The following NFIX variants were observed in gnomAD, a reference collection of about 807,000 sequenced individuals.
NFIX encodes nuclear factor 1 X-type.
Under a neutral mutation model 53.3 loss-of-function variants are expected in NFIX, and 2 were observed. That is an observed-to-expected ratio of 0.04 (90% confidence interval 0.02 to 0.12). The LOEUF (loss-of-function observed/expected upper bound fraction) is 0.12. NFIX is among the 10% of genes least tolerant of loss of function. The probability of loss-of-function intolerance (pLI) is 1.00; values close to 1 mark genes in which losing one functional copy is unlikely to be tolerated. For missense variants in NFIX, 310 were observed against 674.5 expected (o/e 0.46, Z 5.99); for synonymous variants, 244 against 289.0 (o/e 0.84, Z 1.58).
Position 13,040,565 on chromosome 19 carries a change from G to C in NFIX, c.559+15013G>C, listed in dbSNP as rs1193093636. On this transcript the variant is annotated intron_variant, in intron 2 of 10. Coordinates refer to ENST00000592199, the MANE Select transcript of NFIX (RefSeq NM_001365902.3). The surrounding 1 kb of genome is among the most constrained non-coding windows in gnomAD (Gnocchi z 4.2). ...TCTCCTCAGGAGCCCTGGCCTCCAG[G>C]CTCCTTGTATGGACAGACTCATGGC... is the stretch of plus-strand genomic sequence containing the variant. 6.6e-6 allele frequency among the ~76,000 whole-genome samples: 1 copy of C among 152,106 alleles called. No homozygotes were observed. The highest frequency in any genetic ancestry group is 2.4e-5 in the African/African-American group (1 of 41,434).
At chr19:13,039,307 C>T (rs1030970612) in intron 2 of NFIX, among the ~76,000 whole-genome samples, 12 of 151,950 alleles carry the variant, frequency 7.9e-5, no homozygotes, top group African/African-American at 1.7e-4. Flanking sequence ...TTCCCAGCCA[C>T]GTGGGACAGT....
chr19:13,048,280 C>G lies in NFIX; in HGVS notation c.559+22728C>G, dbSNP rs567301796. Among the ~76,000 whole-genome samples, 694 of 152,280 alleles carry G rather than the reference C, an allele frequency of 4.6e-3. 4 individuals carry two copies. Among genetic ancestry groups the G allele is most frequent in the South Asian group, 8.3e-3 (40 of 4,822 alleles). ...AGATGCCTTGTGGACAGCTTGCCCC[C>G]GTATCCACAAGGTACCTCCCAGTAC... is the stretch of plus-strand genomic sequence containing the variant. On this transcript the variant is annotated intron_variant, in intron 2 of 10. Transcript: ENST00000592199.
In NFIX at chr19:13,090,168, C is replaced by T; in HGVS notation, c.1403-131C>T. The T allele has an allele frequency of 1.2e-6, 1 of 845,666 alleles. No individual in the cohort carries two copies. The highest frequency in any genetic ancestry group is 3.2e-4 in the Middle Eastern group (1 of 3,158). 52.4% of individuals were successfully genotyped at this position (845,666 alleles called of 1,614,324 possible). On this transcript the variant is annotated intron_variant, in intron 9 of 10. Transcript: ENST00000592199. The surrounding 1 kb of genome is among the most constrained non-coding windows in gnomAD (Gnocchi z 6.6). The stretch of plus-strand genomic sequence containing the variant: ...CAGATGCCCCTCTGGCCCATCCTTC[C>T]CACTGCCAGCCTAAACTCGGGCAGC...
rs572309662 is a variant in NFIX at position 12,998,448 on chromosome 19, G to A, written c.27+2584G>A. ...CCTGGCGGGGAAAGGTACTGTGGGC[G>A]AGGGGGAAGGGCGGGGGGAAAAATC... is the stretch of plus-strand genomic sequence containing the variant. On this transcript the variant is annotated intron_variant, in intron 1 of 10. Transcript: ENST00000592199. The surrounding 1 kb of genome is among the most constrained non-coding windows in gnomAD (Gnocchi z 4.4). 2.0e-5 allele frequency among the ~76,000 whole-genome samples: 3 copies of A among 152,042 alleles called. No individual in the cohort carries two copies. The highest frequency in any genetic ancestry group is 6.6e-5 in the Admixed American group (1 of 15,262).
At chr19:13,016,508 C>T (rs777836764) in intron 1 of NFIX, among the ~76,000 whole-genome samples, 10 of 152,082 alleles carry the variant, frequency 6.6e-5, no homozygotes, top group Non-Finnish European at 1.5e-4. Flanking sequence ...GCTGTTCTCT[C>T]TGCCCCTGCC....
intron 2 of NFIX, among the ~76,000 whole-genome samples, chr19:13,029,855 G>A (rs1006519802): frequency 1.3e-5 from 2 of 152,216 alleles, no homozygotes; most frequent in Non-Finnish European, 2.9e-5. Context: ...TAGTTTTCAG[G>A]TCTGAGGGAG....
In NFIX at chr19:12,997,973, A is replaced by C. The variant is rs2145123029; in HGVS notation, c.27+2109A>C. ...GCCAGCCCTTCATGGTGGGCAGGGA[A>C]ACCCTTCAGCTCTGGGCAGGTGGCT... On this transcript the variant is annotated intron_variant, in intron 1 of 10. Coordinates refer to ENST00000592199, the MANE Select transcript of NFIX (RefSeq NM_001365902.3). 2.0e-5 allele frequency among the ~76,000 whole-genome samples: 3 copies of C among 152,324 alleles called. No homozygotes were observed. In the South Asian group the frequency reaches 6.2e-4, roughly 32 times the overall value.
At chr19:13,039,221 C>CA (rs2014431498) in intron 2 of NFIX, among the ~76,000 whole-genome samples, 1 of 130,368 alleles carries the variant, frequency 7.7e-6, no homozygotes, top group Non-Finnish European at 1.5e-5. Flanking sequence ...AAATTAAACA[C>CA]CCCCCCCCAC....
At chr19:13,030,183 G>A (rs571656508) in intron 2 of NFIX, among the ~76,000 whole-genome samples, 2 of 152,330 alleles carry the variant, frequency 1.3e-5, no homozygotes, top group Admixed American at 1.3e-4. Flanking sequence ...TGGAACTGAC[G>A]CCTAAAATTA....
In NFIX at chr19:13,040,722, A is replaced by G. The variant is rs1311997193; in HGVS notation, c.559+15170A>G. ...TGGGTTTGGTTATTAACAATGAATT[A>G]TTAAAGGAATGTGAATAGGGAGGGA... On this transcript the variant is annotated intron_variant, in intron 2 of 10. Coordinates refer to ENST00000592199, the MANE Select transcript of NFIX (RefSeq NM_001365902.3). This position sits in a 1 kb window ranked among gnomAD's most constrained non-coding sequence, Gnocchi z 4.2. Among the ~76,000 whole-genome samples the G allele has an allele frequency of 6.6e-6, 1 of 152,154 alleles. No homozygotes were observed. Among genetic ancestry groups the G allele is most frequent in the East Asian group, 1.9e-4 (1 of 5,184 alleles).
At chr19:13,034,204 C>G (rs2014015857) in intron 2 of NFIX, among the ~76,000 whole-genome samples, 1 of 152,226 alleles carries the variant, frequency 6.6e-6, no homozygotes, top group South Asian at 2.1e-4. Context: ...ATTGTGGTCT[C>G]TGTCACTCTC....
chr19:13,090,500 G>A lies in NFIX; in HGVS notation c.1494+110G>A, dbSNP rs1242823422. 16 of 1,059,404 alleles carry A rather than the reference G, an allele frequency of 1.5e-5. No homozygotes were observed. The highest frequency in any genetic ancestry group is 2.2e-5 in the Non-Finnish European group (15 of 689,718). The allele number at this position is 1,059,404 out of a possible 1,614,324, so 65.6% of individuals were successfully genotyped here. On this transcript the variant is annotated intron_variant, in intron 10 of 10. Transcript: ENST00000592199. The surrounding 1 kb of genome is among the most constrained non-coding windows in gnomAD (Gnocchi z 6.6). ...GGAGTCCTTGGGGCTAACAGGGAGA[G>A]AGAGGTCTGAGGTGGGGCTGGAGGG...
At chr19:13,056,088 C>T (rs1286880625) in intron 2 of NFIX, among the ~76,000 whole-genome samples, 2 of 152,178 alleles carry the variant, frequency 1.3e-5, no homozygotes, top group Non-Finnish European at 2.9e-5. Context: ...AAATTGCTTC[C>T]AGCCAGGGAG....
intron 1 of NFIX, among the ~76,000 whole-genome samples, chr19:13,008,085 AG>A: frequency 6.6e-6 from 1 of 152,164 alleles, no homozygotes; most frequent in East Asian, 1.9e-4. Flanking sequence ...AGGAGGTAGG[AG>A]GGGGTGACAG....
At chr19:13,077,312 C>T (rs939214532) in intron 6 of NFIX, among the ~76,000 whole-genome samples, 2 of 152,232 alleles carry the variant, frequency 1.3e-5, no homozygotes, top group African/African-American at 2.4e-5. Flanking sequence ...AGTCCTGCCA[C>T]GCACGGCCCC....
At chr19:13,017,102 C>T (rs1469166404) in intron 1 of NFIX, among the ~76,000 whole-genome samples, 2 of 152,060 alleles carry the variant, frequency 1.3e-5, no homozygotes, top group African/African-American at 2.4e-5. Context: ...TGTGCTGAAT[C>T]GGGTCATAGA....
chr19:13,002,374 C>G lies in NFIX; in HGVS notation c.27+6510C>G, dbSNP rs976613342. Among the ~76,000 whole-genome samples the G allele has an allele frequency of 2.0e-5, 3 of 152,194 alleles. No individual in the cohort carries two copies. The highest frequency in any genetic ancestry group is 2.9e-5 in the Non-Finnish European group (2 of 67,992). ...AAGGAAGAAGGGCTAGCTCCCCAAC[C>G]CCCCCTTCCTCACCACCTCCCCCCT... On this transcript the variant is annotated intron_variant, in intron 1 of 10. Coordinates refer to ENST00000592199, the MANE Select transcript of NFIX (RefSeq NM_001365902.3). This position sits in a 1 kb window ranked among gnomAD's most constrained non-coding sequence, Gnocchi z 6.1.
intron 2 of NFIX, among the ~76,000 whole-genome samples, chr19:13,034,168 G>T (rs2014013213): frequency 6.6e-6 from 1 of 152,218 alleles, no homozygotes; most frequent in South Asian, 2.1e-4. Flanking sequence ...AAAACCTCAA[G>T]GGTCCCTGTT....
Position 13,068,371 on chromosome 19 carries a change from A to G in NFIX, c.560-4676A>G, listed in dbSNP as rs1331716685. On this transcript the variant is annotated intron_variant, in intron 2 of 10. Coordinates refer to ENST00000592199, the MANE Select transcript of NFIX (RefSeq NM_001365902.3). The surrounding 1 kb of genome is among the most constrained non-coding windows in gnomAD (Gnocchi z 4.2). Reference sequence around the variant, plus strand: ...GAAGTAAGATCAGAAATGGGGATCCAAGGGGAAAGGCAGCTGAATAAAAGA... The same window carrying G: ...GAAGTAAGATCAGAAATGGGGATCCGAGGGGAAAGGCAGCTGAATAAAAGA... 6.6e-6 allele frequency among the ~76,000 whole-genome samples: 1 copy of G among 152,220 alleles called. No individual in the cohort carries two copies. The highest frequency in any genetic ancestry group is 1.5e-5 in the Non-Finnish European group (1 of 68,044).
Sources: allele counts gnomAD v4.1 joint callset (sites outside exome capture counted in the v4.1 genomes callset), GRCh38; gene constraint gnomAD v4.1.1; non-coding constraint Gnocchi (gnomAD v3.1); transcripts MANE v1.5; gene names NCBI Gene and HGNC (gene_info 2026-07-23, HGNC 2026-07-21).